The following BTBD9 variants were observed in gnomAD, a reference collection of about 807,000 sequenced individuals.
BTBD9 encodes the protein BTB/POZ domain-containing protein 9.
In BTBD9, 49 loss-of-function variants were observed where a neutral mutation model predicts 64.3. The ratio of observed to expected loss-of-function variants is 0.76; its 90% CI spans 0.61 to 0.97. BTBD9 has a LOEUF of 0.97. Among genes scored for constraint, BTBD9 ranks in the 50% least tolerant of loss-of-function variants. The probability of loss-of-function intolerance (pLI) is 0.00; values close to 1 mark genes in which losing one functional copy is unlikely to be tolerated. For synonymous variants in BTBD9, 260 were observed against 274.7 expected, an observed-to-expected ratio of 0.95 and a Z score of 0.53; for missense variants, 598 against 762.1, an observed-to-expected ratio of 0.78 and a Z score of 2.53.
chr6:38,279,278 A>G (rs1304589348), intron 8 of BTBD9, among the ~76,000 whole-genome samples: 1 of 152,070 alleles, frequency 6.6e-6, no homozygotes, highest in Admixed American at 6.6e-5. Flanking sequence ...AAGCTTTTTA[A>G]AAAGAGAGAT....
chr6:38,291,558 C>T (rs1007933028), intron 7 of BTBD9, among the ~76,000 whole-genome samples: 3 of 152,128 alleles, frequency 2.0e-5, no homozygotes, highest in Admixed American at 6.6e-5. Flanking sequence ...AGAGGGCATC[C>T]TTGTCTTGTG....
At chr6:38,578,403 T>C (rs1433411877) in intron 5 of BTBD9, among the ~76,000 whole-genome samples, 1 of 152,192 alleles carries the variant, frequency 6.6e-6, no homozygotes, top group Non-Finnish European at 1.5e-5. Flanking sequence ...AACCATTACA[T>C]GCAGGTCCCA....
intron 6 of BTBD9, among the ~76,000 whole-genome samples, chr6:38,542,858 C>A (rs1180570335): frequency 6.6e-6 from 1 of 152,178 alleles, no homozygotes; most frequent in Non-Finnish European, 1.5e-5. Context: ...TTATAAGGAT[C>A]TGTTTAATAC....
At chr6:38,499,391 ATAG>A (rs1772096639) in intron 6 of BTBD9, among the ~76,000 whole-genome samples, 2 of 152,196 alleles carry the variant, frequency 1.3e-5, no homozygotes, top group South Asian at 4.1e-4. Flanking sequence ...ACTCCTAATA[ATAG>A]TATTTAAGTA....
chr6:38,438,754 T>C (rs796841240), intron 6 of BTBD9, among the ~76,000 whole-genome samples: 10 of 152,114 alleles, frequency 6.6e-5, no homozygotes, highest in African/African-American at 2.4e-4. Flanking sequence ...AGACAACAGA[T>C]TAAAAAGACA....
intron 6 of BTBD9, among the ~76,000 whole-genome samples, chr6:38,577,087 A>G (rs373403311): frequency 6.6e-6 from 1 of 152,164 alleles, no homozygotes; most frequent in Non-Finnish European, 1.5e-5. Context: ...CCCCACTTGA[A>G]ACACCTGTTC....
chr6:38,586,561 A>C (rs957417926), intron 4 of BTBD9, among the ~76,000 whole-genome samples: 4 of 152,208 alleles, frequency 2.6e-5, no homozygotes, highest in African/African-American at 9.6e-5. Context: ...ACCTCTCTAC[A>C]CTTCATGAGA....
At chr6:38,543,314 T>G (rs1049868774) in intron 6 of BTBD9, among the ~76,000 whole-genome samples, 3 of 152,220 alleles carry the variant, frequency 2.0e-5, no homozygotes, top group African/African-American at 7.2e-5. Flanking sequence ...GTTATTTTCT[T>G]CACAGCAATC....
chr6:38,215,272 T>G (rs1762974163), intron 9 of BTBD9, among the ~76,000 whole-genome samples: 1 of 152,226 alleles, frequency 6.6e-6, no homozygotes, highest in South Asian at 2.1e-4. Flanking sequence ...ATATTTTCTA[T>G]CACTTGTATT....
At chr6:38,560,890 T>A (rs1432947175) in intron 6 of BTBD9, among the ~76,000 whole-genome samples, 2 of 152,236 alleles carry the variant, frequency 1.3e-5, no homozygotes, top group Non-Finnish European at 2.9e-5. Flanking sequence ...GCTCCATCCA[T>A]GCTCCTGCAA....
At chr6:38,276,337 G>A (rs541373189) in intron 8 of BTBD9, among the ~76,000 whole-genome samples, 13 of 147,162 alleles carry the variant, frequency 8.8e-5, no homozygotes, top group Admixed American at 4.8e-4. Flanking sequence ...ATCACACTCC[G>A]GGGACTGTTG....
chr6:38,416,268 T>G (rs1438807202), intron 6 of BTBD9, among the ~76,000 whole-genome samples: 1 of 151,864 alleles, frequency 6.6e-6, no homozygotes, highest in Non-Finnish European at 1.5e-5. Context: ...TCTCTTTATT[T>G]GTAAGGGCAG....
intron 6 of BTBD9, among the ~76,000 whole-genome samples, chr6:38,494,873 A>G (rs1276914778): frequency 2.0e-5 from 3 of 152,256 alleles, no homozygotes; most frequent in African/African-American, 7.2e-5. Flanking sequence ...TCCACTTTTA[A>G]TAACTACTGC....
intron 9 of BTBD9, among the ~76,000 whole-genome samples, chr6:38,221,421 A>G (rs1582071430): frequency 6.6e-6 from 1 of 152,114 alleles, no homozygotes; most frequent in African/African-American, 2.4e-5. Flanking sequence ...CACCACCACC[A>G]TCTGCCCTTC....
At chr6:38,474,287 T>C (rs186523998) in intron 6 of BTBD9, among the ~76,000 whole-genome samples, 1 of 151,922 alleles carries the variant, frequency 6.6e-6, no homozygotes, top group Admixed American at 6.6e-5. Flanking sequence ...ACATTGGGAG[T>C]TGACGTGGGC....
intron 7 of BTBD9, among the ~76,000 whole-genome samples, chr6:38,290,758 T>C (rs909140659): frequency 3.3e-5 from 5 of 152,156 alleles, no homozygotes; most frequent in Non-Finnish European, 5.9e-5. Flanking sequence ...CATGGTCTTA[T>C]CTAACTTCAG....
chr6:38,277,403 G>A (rs778106248), intron 8 of BTBD9, among the ~76,000 whole-genome samples: 6 of 151,520 alleles, frequency 4.0e-5, no homozygotes, highest in East Asian at 1.9e-4. Context: ...GCGTGATCTC[G>A]GCTCACTGCA....
chr6:38,436,372 ATTTT>A (rs10647439), intron 6 of BTBD9, among the ~76,000 whole-genome samples: 1 of 118,320 alleles, frequency 8.5e-6, no homozygotes, highest in Non-Finnish European at 1.7e-5. Flanking sequence ...CCCCAATTCT[ATTTT>A]TTTTTTTTTT....
chr6:38,182,405 A>T (rs1761599698), intron 10 of BTBD9, among the ~76,000 whole-genome samples: 1 of 152,160 alleles, frequency 6.6e-6, no homozygotes, highest in Admixed American at 6.5e-5. Context: ...GGTATCTTTT[A>T]GTTATTTTTT....
Sources: gnomAD v4.1 joint callset for allele counts (sites outside exome capture counted in the v4.1 genomes callset) on GRCh38, gnomAD v4.1.1 for gene constraint, MANE v1.5 for transcripts, NCBI Gene and HGNC (gene_info 2026-07-23, HGNC 2026-07-21) for gene names.